PCP4: variants seen among roughly 807,000 people sequenced by gnomAD.
The protein encoded by PCP4 is Purkinje cell protein 4.
PCP4 carries 8 observed loss-of-function variants against 10.0 expected under a neutral mutation model. The ratio of observed to expected loss-of-function variants is 0.80; its 90% CI spans 0.47 to 1.45. The LOEUF (loss-of-function observed/expected upper bound fraction) is 1.45, where lower values mean the gene tolerates loss of function less well. Among genes scored for constraint, PCP4 ranks in the 40% most tolerant of loss-of-function variants. The pLI, the probability that PCP4 is intolerant of heterozygous loss-of-function variation, is 0.00. For synonymous variants in PCP4, 21 were observed against 23.0 expected (o/e 0.91, Z 0.24); for missense variants, 54 against 74.4 (o/e 0.73, Z 1.01).
chr21:39,886,746 G>A (rs767657236), intron 1 of PCP4, among the ~76,000 whole-genome samples: 13 of 152,216 alleles, frequency 8.5e-5, no homozygotes, highest in Admixed American at 5.2e-4. Context: ...TCATTAAATA[G>A]CAACTGTTCC....
intron 2 of PCP4, among the ~76,000 whole-genome samples, chr21:39,920,896 T>G (rs1043612500): frequency 4.6e-5 from 7 of 152,248 alleles, no homozygotes; most frequent in African/African-American, 1.4e-4. Context: ...TGTGGGGCTG[T>G]GCCCCTCCCA....
chr21:39,900,597 G>A (rs1356764557), intron 2 of PCP4, among the ~76,000 whole-genome samples: 1 of 152,044 alleles, frequency 6.6e-6, no homozygotes, highest in East Asian at 1.9e-4. Context: ...AGTTTACACA[G>A]CGTTTTCACT....
At chr21:39,870,175 A>C (rs867204088) in intron 1 of PCP4, among the ~76,000 whole-genome samples, 1 of 152,234 alleles carries the variant, frequency 6.6e-6, no homozygotes, top group African/African-American at 2.4e-5. Context: ...GGGCAGCTTT[A>C]CAACAAGACG....
chr21:39,869,172 C>T (rs899481195), intron 1 of PCP4, among the ~76,000 whole-genome samples: 7 of 152,200 alleles, frequency 4.6e-5, no homozygotes, highest in Non-Finnish European at 7.3e-5. Context: ...GGTGGCCTCT[C>T]GGGTCAAGTC....
At chr21:39,912,166 T>A (rs1418883289) in intron 2 of PCP4, among the ~76,000 whole-genome samples, 1 of 152,238 alleles carries the variant, frequency 6.6e-6, no homozygotes, top group African/African-American at 2.4e-5. Flanking sequence ...CATCAGCCTC[T>A]GTTAATGCTC....
chr21:39,900,827 G>T (rs1234957944), intron 2 of PCP4, among the ~76,000 whole-genome samples: 1 of 151,924 alleles, frequency 6.6e-6, no homozygotes, highest in Non-Finnish European at 1.5e-5. Flanking sequence ...CATTCTCAGG[G>T]TATGCTTAAG....
rs548944931 is a variant in PCP4, at chr21:39,881,512, C to T, written c.9+14002C>T. On this transcript the variant is annotated intron_variant, in intron 1 of 2. Transcript: ENST00000328619. ...TGAAGCAAGAACTGTTTTCATGGTG[C>T]CAGGGTCCTGTCCTCGCAGATGCAT... is the stretch of plus-strand genomic sequence containing the variant. 2.6e-5 allele frequency among the ~76,000 whole-genome samples: 4 copies of T among 152,230 alleles called. No individual in the cohort carries two copies. The South Asian group carries it at 8.3e-4, about 32-fold the overall frequency.
chr21:39,886,020 T>G (rs1251100835), intron 1 of PCP4, among the ~76,000 whole-genome samples: 2 of 152,212 alleles, frequency 1.3e-5, no homozygotes, highest in East Asian at 3.9e-4. Flanking sequence ...GTCCACACTG[T>G]CTTCCCTCTG....
chr21:39,910,714 T>A (rs60196926), intron 2 of PCP4, among the ~76,000 whole-genome samples: 2,288 of 152,370 alleles, frequency 0.015, 61 homozygotes, highest in African/African-American at 0.052. Flanking sequence ...GATGCCAGGC[T>A]GCCTCCATGC....
chr21:39,914,877 G>C (rs1216530078), intron 2 of PCP4, among the ~76,000 whole-genome samples: 1 of 152,162 alleles, frequency 6.6e-6, no homozygotes, highest in Non-Finnish European at 1.5e-5. Flanking sequence ...AGAAGGTGGT[G>C]AGCACCCTCA....
At chr21:39,893,106 C>T (rs1405355612) in intron 1 of PCP4, among the ~76,000 whole-genome samples, 1 of 152,100 alleles carries the variant, frequency 6.6e-6, no homozygotes, top group East Asian at 1.9e-4. Flanking sequence ...ATAGCAGCTG[C>T]CTCTCCACTC....
intron 2 of PCP4, among the ~76,000 whole-genome samples, chr21:39,921,200 G>A (rs2087595254): frequency 6.6e-6 from 1 of 152,082 alleles, no homozygotes; most frequent in Non-Finnish European, 1.5e-5. Flanking sequence ...GTTTAGACTT[G>A]GACCATCCAA....
At chr21:39,888,986 C>T (rs1475795860) in intron 1 of PCP4, among the ~76,000 whole-genome samples, 3 of 152,174 alleles carry the variant, frequency 2.0e-5, no homozygotes, top group Non-Finnish European at 4.4e-5. Context: ...GAGAAGTTTT[C>T]CTGTGCCGTA....
chr21:39,890,662 C>T (rs944318092), intron 1 of PCP4, among the ~76,000 whole-genome samples: 2 of 152,150 alleles, frequency 1.3e-5, no homozygotes, highest in Non-Finnish European at 2.9e-5. Flanking sequence ...AGCCACCGTG[C>T]CTGGACAAAA....
intron 2 of PCP4, among the ~76,000 whole-genome samples, chr21:39,900,098 A>G (rs2087475754): frequency 6.6e-6 from 1 of 152,102 alleles, no homozygotes; most frequent in Non-Finnish European, 1.5e-5. Context: ...GCAATGGGAC[A>G]ATCTCGGCTC....
At chr21:39,912,318 T>G (rs888920133) in intron 2 of PCP4, among the ~76,000 whole-genome samples, 10 of 130,648 alleles carry the variant, frequency 7.7e-5, no homozygotes, top group Admixed American at 6.4e-4. Context: ...AAAGGTTTTT[T>G]TTTTTTTTTA....
At chr21:39,877,529 A>AT (rs1439004672) in intron 1 of PCP4, among the ~76,000 whole-genome samples, 1 of 148,308 alleles carries the variant, frequency 6.7e-6, no homozygotes, top group African/African-American at 2.6e-5. Flanking sequence ...TCTACCAAAA[A>AT]TTAAAAAAAA....
rs116914313 is a variant in PCP4, at chr21:39,900,048, T to C, written c.61+1521T>C. Among the ~76,000 whole-genome samples the C allele has an allele frequency of 7.4e-4, 112 of 152,268 alleles. 2 individuals carry two copies. In the East Asian group the frequency reaches 0.013, roughly 18 times the overall value. On this transcript the variant is annotated intron_variant, in intron 2 of 2. Transcript: ENST00000328619. Reference sequence around the variant, plus strand: ...TCTATTGTCGTGATTCTCAACTTTTTTTTGAGACAGAGTTTCACTCTTGTT... The same window carrying C: ...TCTATTGTCGTGATTCTCAACTTTTCTTTGAGACAGAGTTTCACTCTTGTT...
chr21:39,884,690 G>C (rs576998966), intron 1 of PCP4, among the ~76,000 whole-genome samples: 1 of 151,860 alleles, frequency 6.6e-6, no homozygotes. Context: ...CCAGCTACTC[G>C]GGAGGCTGAG....
Sources: gnomAD v4.1 joint callset for allele counts (sites outside exome capture counted in the v4.1 genomes callset) on GRCh38, gnomAD v4.1.1 for gene constraint, MANE v1.5 for transcripts, NCBI Gene and HGNC (gene_info 2026-07-23, HGNC 2026-07-21) for gene names.